MYT1: variants seen among roughly 807,000 people sequenced by gnomAD.
MYT1 encodes myelin transcription factor I.
In MYT1, 23 loss-of-function variants were observed where a neutral mutation model predicts 123.0. The ratio of observed to expected loss-of-function variants is 0.19; its 90% CI spans 0.13 to 0.26. The LOEUF (loss-of-function observed/expected upper bound fraction) is 0.26, where lower values mean the gene tolerates loss of function less well. MYT1 is among the 10% of genes least tolerant of loss of function. MYT1 has a pLI of 1.00. For synonymous variants in MYT1, 518 were observed against 575.3 expected (o/e 0.90, Z 1.43); for missense variants, 1,125 against 1,472.5 (o/e 0.76, Z 3.86).
intron 1 of MYT1, among the ~76,000 whole-genome samples, chr20:64,170,352 T>G (rs1224383724): frequency 6.6e-6 from 1 of 152,134 alleles, no homozygotes; most frequent in East Asian, 1.9e-4. Flanking sequence ...CGGGAGAGCC[T>G]GCAGGCAACC....
chr20:64,223,262 A>G (rs757808611), intron 15 of MYT1, 29 bp from the exon 16 acceptor site: 2 of 1,613,790 alleles, frequency 1.2e-6, no homozygotes, highest in Non-Finnish European at 1.7e-6. Flanking sequence ...TCTTTGGCTT[A>G]CCCCAATATC....
intron 13 of MYT1, 143 bp downstream of exon 13, chr20:64,220,125 G>A: frequency 7.2e-7 from 1 of 1,383,332 alleles, no homozygotes; most frequent in East Asian, 2.7e-5. Flanking sequence ...TTTCGTGAAG[G>A]GTCCTTCATC....
intron 8 of MYT1, among the ~76,000 whole-genome samples, chr20:64,211,828 CGGT>C (rs1040722885): frequency 1.3e-5 from 2 of 152,082 alleles, no homozygotes; most frequent in Non-Finnish European, 2.9e-5. Flanking sequence ...GTGGTGGTGG[CGGT>C]GGGGGGCATG....
intron 2 of MYT1, among the ~76,000 whole-genome samples, chr20:64,198,338 G>A (rs1363769605): frequency 7.0e-6 from 1 of 143,818 alleles, no homozygotes; most frequent in Non-Finnish European, 1.5e-5. Flanking sequence ...TGGGAAGAAA[G>A]GGCCCATGGG....
chr20:64,226,597 C>T (rs373407598), intron 16 of MYT1, among the ~76,000 whole-genome samples: 15 of 152,300 alleles, frequency 9.8e-5, no homozygotes, highest in East Asian at 7.7e-4. Flanking sequence ...TGGATCTACC[C>T]GCAGAATCAG....
At chr20:64,194,618 G>T (rs1983053099) in intron 2 of MYT1, among the ~76,000 whole-genome samples, 1 of 152,226 alleles carries the variant, frequency 6.6e-6, no homozygotes, top group Non-Finnish European at 1.5e-5. Context: ...AGCTCTGAGG[G>T]CCCTGTCCTG....
intron 14 of MYT1, among the ~76,000 whole-genome samples, chr20:64,222,682 G>T (rs888115814): frequency 6.6e-6 from 1 of 152,246 alleles, no homozygotes; most frequent in African/African-American, 2.4e-5. Flanking sequence ...TGTGCTCAGA[G>T]TACATTTCTG....
chr20:64,229,634 C>T (rs936414195), intron 18 of MYT1, among the ~76,000 whole-genome samples: 1 of 152,168 alleles, frequency 6.6e-6, no homozygotes, highest in African/African-American at 2.4e-5. Context: ...CATATTTAAA[C>T]AGATGCATAT....
chr20:64,187,053 G>A (rs1227206277), intron 1 of MYT1, among the ~76,000 whole-genome samples: 3 of 147,288 alleles, frequency 2.0e-5, no homozygotes, highest in Admixed American at 6.7e-5. Context: ...CGGCATCCAC[G>A]TTTCCGTGGA....
At chr20:64,235,784 CTGTGGTGGGTGA>C (rs1568722737) in intron 19 of MYT1, among the ~76,000 whole-genome samples, 1,615 of 65,194 alleles carry the variant, frequency 0.025, 193 homozygotes, top group Middle Eastern at 0.062. Flanking sequence ...CCTGGGATGG[CTGTGGTGGGTGA>C]CACTGGGCTG....
In MYT1 at chr20:64,241,095, G is replaced by T. The variant is rs1248645901; in HGVS notation, c.*647G>T. 6.6e-6 allele frequency: 1 copy of T among 152,482 alleles called. No homozygotes were observed. The highest frequency in any genetic ancestry group is 1.9e-4 in the East Asian group (1 of 5,188). The allele number at this position is 152,482 out of a possible 1,614,324, so 9.4% of individuals were successfully genotyped here. ...ACTCCTGAAAATCAGCCTAATGTCT[G>T]GGGGCAGCTGGCGCTGAGGCTGTGC... On this transcript the variant is annotated 3_prime_UTR_variant, in exon 23 of 23. Coordinates refer to ENST00000328439, the MANE Select transcript of MYT1 (RefSeq NM_004535.3). The surrounding 1 kb of genome is among the most constrained non-coding windows in gnomAD (Gnocchi z 4.2).
intron 17 of MYT1, among the ~76,000 whole-genome samples, 154 bp downstream of exon 17, chr20:64,227,631 T>C (rs992810767): frequency 6.6e-5 from 10 of 152,220 alleles, no homozygotes; most frequent in African/African-American, 2.4e-4. Context: ...CCTGATTAAG[T>C]TGTCCTCTGC....
At chr20:64,220,786 GGGGCTAGGCCCCTATGAAGGGT>G (rs1568716167) in intron 13 of MYT1, among the ~76,000 whole-genome samples, 1 of 136,000 alleles carries the variant, frequency 7.4e-6, no homozygotes. Flanking sequence ...TGAGGGGGGT[GGGGCTAGGCCCCTATGAAGGGT>G]GGGGGCTGGA....
At position 64,212,189 on chromosome 20, in the gene MYT1, GGGGGCC is replaced by G; in HGVS notation, c.1517+52_1517+57del. ...TGGGGGCCAGGGTGGGGGCCGTGGTGGGGGCCAGGGTGGGGGCCGTGGTGGGGGCCA... is the reference window on the plus strand; with the variant it reads ...TGGGGGCCAGGGTGGGGGCCGTGGTGAGGGTGGGGGCCGTGGTGGGGGCCA... On this transcript the variant is annotated intron_variant, in intron 9 of 22. Transcript: ENST00000328439. This position sits in a 1 kb window ranked among gnomAD's most constrained non-coding sequence, Gnocchi z 6.8. The G allele has an allele frequency of 6.0e-6, 3 of 496,642 alleles. No individual in the cohort carries two copies. The highest frequency in any genetic ancestry group is 2.3e-5 in the South Asian group (1 of 42,728). The allele number at this position is 496,642 out of a possible 1,614,324, so 30.8% of individuals were successfully genotyped here.
At chr20:64,235,051 CATG>C (rs1984468798) in intron 19 of MYT1, among the ~76,000 whole-genome samples, 1 of 133,676 alleles carries the variant, frequency 7.5e-6, no homozygotes. Context: ...CTGGGCTGGC[CATG>C]GTGGTTGATG....
chr20:64,235,619 T>C (rs1182893025), intron 19 of MYT1, among the ~76,000 whole-genome samples: 2 of 138,130 alleles, frequency 1.4e-5, no homozygotes, highest in South Asian at 2.5e-4. Flanking sequence ...GAGCTGGCTG[T>C]GGTGGGTGAC....
chr20:64,184,305 C>T (rs796830448), intron 1 of MYT1, among the ~76,000 whole-genome samples: 10 of 151,638 alleles, frequency 6.6e-5, no homozygotes, highest in African/African-American at 2.2e-4. Context: ...TGATCCAGTG[C>T]GAGCTAATTT....
intron 11 of MYT1, among the ~76,000 whole-genome samples, chr20:64,217,556 C>T (rs1433375784): frequency 1.3e-5 from 2 of 152,252 alleles, no homozygotes; most frequent in Non-Finnish European, 2.9e-5. Context: ...AACCCAGATC[C>T]GTTACGGGCG....
intron 21 of MYT1, among the ~76,000 whole-genome samples, chr20:64,237,656 A>G (rs898592864): frequency 2.6e-5 from 4 of 152,234 alleles, no homozygotes; most frequent in Admixed American, 1.3e-4. Context: ...TAATAACACT[A>G]TTAATAATAC....
Sources: allele counts gnomAD v4.1 joint callset (sites outside exome capture counted in the v4.1 genomes callset), GRCh38; gene constraint gnomAD v4.1.1; non-coding constraint Gnocchi (gnomAD v3.1); transcripts MANE v1.5; gene names NCBI Gene and HGNC (gene_info 2026-07-23, HGNC 2026-07-21).